CHD7: variants seen among roughly 807,000 people sequenced by gnomAD.
CHD7 encodes the protein chromodomain helicase DNA binding protein 7, also known as ATP-dependent chromatin remodeler CHD7.
Under a neutral mutation model 307.3 loss-of-function variants are expected in CHD7, and 24 were observed. The observed-to-expected ratio is 0.08, with a 90% CI of 0.06 to 0.11. The LOEUF is 0.11. Among genes scored for constraint, CHD7 ranks in the 10% least tolerant of loss-of-function variants. The probability of loss-of-function intolerance (pLI) is 1.00; values close to 1 mark genes in which losing one functional copy is unlikely to be tolerated. For missense variants in CHD7, 3,106 were observed against 3,727.1 expected (o/e 0.83, Z 4.34); for synonymous variants, 1,363 against 1,349.9 (o/e 1.01, Z -0.21).
chr8:60,847,364 A>C (rs1165150252), intron 23 of CHD7, among the ~76,000 whole-genome samples: 1 of 152,214 alleles, frequency 6.6e-6, no homozygotes, highest in East Asian at 1.9e-4. Flanking sequence ...TGCCATGTGC[A>C]AGGTAACTCT....
intron 13 of CHD7, among the ~76,000 whole-genome samples, chr8:60,826,027 A>G (rs1008834614): frequency 1.1e-4 from 16 of 152,094 alleles, no homozygotes; most frequent in African/African-American, 3.9e-4. Flanking sequence ...AGAGTTTTCT[A>G]TTATTTATAC....
chr8:60,765,850 G>A (rs1182021539), intron 2 of CHD7, among the ~76,000 whole-genome samples: 1 of 152,216 alleles, frequency 6.6e-6, no homozygotes, highest in Non-Finnish European at 1.5e-5. Context: ...TGACGAAGAT[G>A]AGACTAGCAG....
chr8:60,847,394 A>C (rs1445409991), intron 23 of CHD7, among the ~76,000 whole-genome samples: 1 of 152,226 alleles, frequency 6.6e-6, no homozygotes, highest in African/African-American at 2.4e-5. Flanking sequence ...TTTGTCACTT[A>C]TCTTCTGCTA....
At chr8:60,827,876 T>C (rs1211553028) in intron 13 of CHD7, among the ~76,000 whole-genome samples, 1 of 152,068 alleles carries the variant, frequency 6.6e-6, no homozygotes. Context: ...TGAAATAGTT[T>C]TGTTAGCTGT....
rs747641122 is a variant in CHD7 at position 60,865,321 on chromosome 8, T to C, written c.8382T>C (p.Ala2794=). The C allele has an allele frequency of 3.7e-6, 6 of 1,612,060 alleles. No homozygotes were observed. The highest frequency in any genetic ancestry group is 5.1e-6 in the Non-Finnish European group (6 of 1,179,306). ...TAGGDAKNPA[A]VLPLMLPGMA... ...GAGGCGATGCGAAGAACCCTGCTGC[T>C]GTGCTGCCCCTGATGCTGCCAGGAA... The change falls in exon 38 of 38, where the codon GCT becomes GCC. Residue 2794 remains alanine, a synonymous_variant. Coordinates refer to ENST00000423902, the MANE Select transcript of CHD7 (RefSeq NM_017780.4). This position sits in a 1 kb window ranked among gnomAD's most constrained non-coding sequence, Gnocchi z 4.3.
rs941551119 is a variant in CHD7 at position 60,822,755 on chromosome 8, T to C, written c.3201+9T>C. ...ACTTCAAAGATCCCCAGGTAAACCT[T>C]CACAGGTTGTATTCTTTGTACTTAC... On this transcript the variant is annotated intron_variant, in intron 12 of 37. Transcript: ENST00000423902. 2 of 1,600,916 alleles carry C rather than the reference T, an allele frequency of 1.2e-6. No individual in the cohort carries two copies. The highest frequency in any genetic ancestry group is 1.7e-6 in the Non-Finnish European group (2 of 1,171,206).
chr8:60,683,597 T>C (rs1180380110), intron 1 of CHD7, among the ~76,000 whole-genome samples: 1 of 152,222 alleles, frequency 6.6e-6, no homozygotes, highest in African/African-American at 2.4e-5. Flanking sequence ...GTGAGGACCT[T>C]AGAGAGCTAG....
intron 36 of CHD7, 44 bp from the exon 37 acceptor site, chr8:60,862,504 G>A: frequency 6.6e-7 from 1 of 1,521,886 alleles, no homozygotes; most frequent in Non-Finnish European, 8.9e-7. Context: ...AGAAAGGGGA[G>A]GGAAGACTGT....
intron 34 of CHD7, among the ~76,000 whole-genome samples, chr8:60,859,599 T>A (rs1414670793): frequency 6.6e-6 from 1 of 152,148 alleles, no homozygotes; most frequent in Non-Finnish European, 1.5e-5. Context: ...GAGAAACAGA[T>A]GAAGAAGTTT....
chr8:60,802,559 A>G (rs1812362835), intron 6 of CHD7, among the ~76,000 whole-genome samples: 1 of 152,198 alleles, frequency 6.6e-6, no homozygotes, highest in South Asian at 2.1e-4. Context: ...TAATAAAGAC[A>G]TGGTCTAGCT....
intron 15 of CHD7, 134 bp from the exon 16 acceptor site, chr8:60,835,939 A>G (rs148652297): frequency 4.5e-6 from 3 of 663,404 alleles, no homozygotes; most frequent in East Asian, 5.4e-5. Context: ...GAGTAAGTGG[A>G]TGGATTCTTG....
chr8:60,822,689 G>T lies in CHD7; in HGVS notation c.3144G>T (p.Gly1048=). 1 of 1,613,754 alleles carries T rather than the reference G, an allele frequency of 6.2e-7. No individual in the cohort carries two copies. The highest frequency in any genetic ancestry group is 8.5e-7 in the Non-Finnish European group (1 of 1,179,712). The change falls in exon 12 of 38, where the codon GGG becomes GGT. Residue 1048 remains glycine (G), a synonymous_variant. Coordinates refer to ENST00000423902, the MANE Select transcript of CHD7 (RefSeq NM_017780.4). The stretch of plus-strand genomic sequence containing the variant: ...AGTTGAACGTGGTTGTGTATCATGG[G>T]AGTCAAGCTAGTCGTCGGACCATTC... ...WTELNVVVYH[G]SQASRRTIQL...
intron 1 of CHD7, among the ~76,000 whole-genome samples, chr8:60,691,526 A>G (rs1806195215): frequency 6.6e-6 from 1 of 152,190 alleles, no homozygotes; most frequent in Non-Finnish European, 1.5e-5. Context: ...ACAGGTGCTT[A>G]GAAGGTGCTT....
In CHD7 at chr8:60,741,346, A is replaced by T; in HGVS notation, c.-87A>T. 1 of 902,180 alleles carries T rather than the reference A, an allele frequency of 1.1e-6. No individual in the cohort carries two copies. Among genetic ancestry groups the T allele is most frequent in the Non-Finnish European group, 1.7e-6 (1 of 589,654 alleles). 55.9% of individuals were successfully genotyped at this position (902,180 alleles called of 1,614,324 possible). ...ACATGAAGAAGATTAGTTAAGGATTATAGGCTTTGAGGGCAAACACCTCAG... is the reference window on the plus strand; with the variant it reads ...ACATGAAGAAGATTAGTTAAGGATTTTAGGCTTTGAGGGCAAACACCTCAG... On this transcript the variant is annotated 5_prime_UTR_variant, in exon 2 of 38. Transcript: ENST00000423902.
At chr8:60,830,288 A>G (rs762320348) in intron 14 of CHD7, 34 bp from the exon 15 acceptor site, 11 of 1,579,946 alleles carry the variant, frequency 7.0e-6, no homozygotes, top group Non-Finnish European at 9.4e-6. Flanking sequence ...CAAGCAAATC[A>G]TGACACTAGT....
In CHD7 at chr8:60,781,364, C is replaced by T; in HGVS notation, c.2030C>T (p.Pro677Leu). The T allele has an allele frequency of 6.5e-7, 1 of 1,549,932 alleles. No individual in the cohort carries two copies. Among genetic ancestry groups the T allele is most frequent in the East Asian group, 2.4e-5 (1 of 42,428 alleles). The change falls in exon 3 of 38, where the codon CCC (proline) becomes CTC (leucine). Residue 677 changes from proline (P) to leucine (L), a missense_variant. By Grantham distance (98) the Pro-to-Leu change is moderately conservative. Coordinates refer to ENST00000423902, the MANE Select transcript of CHD7 (RefSeq NM_017780.4). ...AAGACCCCGAAAGCCCCTAAGATTC[C>T]CAAAGAGCCAAAGGAAAAGAAAGCA... ...EPKTPKAPKI[P>L]KEPKEKKAKT...
intron 35 of CHD7, 93 bp from the exon 36 acceptor site, chr8:60,862,103 A>G: frequency 2.2e-6 from 2 of 923,616 alleles, no homozygotes; most frequent in African/African-American, 1.7e-5. Context: ...TTCCATAATA[A>G]TTGAAGATGA....
At chr8:60,837,089 C>A in intron 17 of CHD7, 77 bp downstream of exon 17, 2 of 1,161,668 alleles carry the variant, frequency 1.7e-6, no homozygotes, top group Non-Finnish European at 2.4e-6. Flanking sequence ...ACCAGTCAGA[C>A]CCATAAATTA....
intron 7 of CHD7, among the ~76,000 whole-genome samples, chr8:60,810,274 G>A (rs1420382297): frequency 1.3e-5 from 2 of 150,206 alleles, no homozygotes; most frequent in African/African-American, 5.0e-5. Flanking sequence ...TTTCAGTGAA[G>A]GGGGGGGCAT....
Sources: allele counts gnomAD v4.1 joint callset (sites outside exome capture counted in the v4.1 genomes callset), GRCh38; gene constraint gnomAD v4.1.1; non-coding constraint Gnocchi (gnomAD v3.1); transcripts MANE v1.5; gene names NCBI Gene and HGNC (gene_info 2026-07-23, HGNC 2026-07-21).